The following PPIP5K2 variants were observed in gnomAD, a reference collection of about 807,000 sequenced individuals.
PPIP5K2 encodes inositol hexakisphosphate and diphosphoinositol-pentakisphosphate kinase 2.
A neutral mutation model predicts 154.6 loss-of-function variants in PPIP5K2; 105 were observed. The observed-to-expected ratio is 0.68, with a 90% confidence interval of 0.58 to 0.80. The LOEUF (loss-of-function observed/expected upper bound fraction) is 0.80, where lower values mean the gene tolerates loss of function less well. Ranked by LOEUF, PPIP5K2 falls within the 30% of genes least tolerant of loss-of-function variation. PPIP5K2 has a pLI of 0.00. For missense variants in PPIP5K2, 992 were observed against 1,504.6 expected (o/e 0.66, Z 5.64); for synonymous variants, 480 against 490.3 (o/e 0.98, Z 0.28).
chr5:103,205,274 T>G lies in PPIP5K2; in HGVS notation c.*3640T>G, dbSNP rs1229863952. On this transcript the variant is annotated 3_prime_UTR_variant, in exon 31 of 31. Transcript: ENST00000358359. Reference sequence around the variant, plus strand: ...GACATCTGGGTTGGTCCCAAGTCTTTGCTATTGTGAATAGTGCCACAATAA... The same window carrying G: ...GACATCTGGGTTGGTCCCAAGTCTTGGCTATTGTGAATAGTGCCACAATAA... 1 of 152,260 alleles carries G rather than the reference T, an allele frequency of 6.6e-6. No individual in the cohort carries two copies. Among genetic ancestry groups the G allele is most frequent in the African/African-American group, 2.4e-5 (1 of 41,470 alleles). 9.4% of individuals were successfully genotyped at this position (152,260 alleles called of 1,614,324 possible).
intron 29 of PPIP5K2, among the ~76,000 whole-genome samples, chr5:103,192,358 C>G (rs1554227179): frequency 1.3e-5 from 2 of 152,022 alleles, no homozygotes; most frequent in African/African-American, 4.8e-5. Context: ...TTCTCTATAA[C>G]CTGCTAGAAT....
intron 28 of PPIP5K2, among the ~76,000 whole-genome samples, chr5:103,187,707 A>G (rs1263570723): frequency 6.6e-6 from 1 of 152,116 alleles, no homozygotes; most frequent in African/African-American, 2.4e-5. Flanking sequence ...AGTATTCTTT[A>G]ATTTTTCTTA....
intron 1 of PPIP5K2, among the ~76,000 whole-genome samples, chr5:103,124,212 G>A (rs1420546529): frequency 2.0e-5 from 3 of 151,346 alleles, no homozygotes; most frequent in African/African-American, 7.3e-5. Flanking sequence ...CCCGGGAGGA[G>A]GAGCTTGTAG....
chr5:103,146,693 G>A lies in PPIP5K2; in HGVS notation c.642+12G>A. On this transcript the variant is annotated intron_variant, in intron 6 of 30. Coordinates refer to ENST00000358359, the MANE Select transcript of PPIP5K2 (RefSeq NM_001276277.3). Reference sequence around the variant, plus strand: ...GACTCTTTAGAAAGGTAACACCTTTGTAACTTTTGTATGAATACTCTTCTT... The same window carrying A: ...GACTCTTTAGAAAGGTAACACCTTTATAACTTTTGTATGAATACTCTTCTT... 1 of 1,589,826 alleles carries A rather than the reference G, an allele frequency of 6.3e-7. No homozygotes were observed. The highest frequency in any genetic ancestry group is 8.6e-7 in the Non-Finnish European group (1 of 1,166,876).
At chr5:103,176,972 A>G (rs1197541880) in intron 21 of PPIP5K2, 7 of 1,269,502 alleles carry the variant, frequency 5.5e-6, no homozygotes, top group Non-Finnish European at 7.6e-6. Flanking sequence ...ACTTCAGTGT[A>G]ATAGGGATAC....
chr5:103,138,266 G>A (rs1791916592), intron 4 of PPIP5K2, 118 bp from the exon 5 acceptor site: 1 of 445,994 alleles, frequency 2.2e-6, no homozygotes, highest in Non-Finnish European at 3.8e-6. Context: ...AAAAAGTGTT[G>A]AGATATATAC....
rs782737218 is a variant in PPIP5K2, at chr5:103,177,717, C to T, written c.2580C>T (p.Val860=). Residue 860 remains valine, a synonymous_variant, in exon 22 of 31, where the codon GTC becomes GTT. Coordinates refer to ENST00000358359, the MANE Select transcript of PPIP5K2 (RefSeq NM_001276277.3). ...GAGCTATGGATTATTTAAACGTTGT[C>T]AATGAGCTCAACTACATGACTCAGA... is the stretch of plus-strand genomic sequence containing the variant. ...WKRAMDYLNV[V]NELNYMTQIV... The T allele has an allele frequency of 1.9e-6, 3 of 1,612,076 alleles. No homozygotes were observed. The highest frequency in any genetic ancestry group is 2.5e-6 in the Non-Finnish European group (3 of 1,179,022).
In PPIP5K2 at chr5:103,211,033, A is replaced by G. The variant is rs1803781109; in HGVS notation, c.*9399A>G. The stretch of plus-strand genomic sequence containing the variant: ...TGGCCGTGAGTGGAAATCTGAGTGT[A>G]TAGGATGTGTTTCGTGTTCCCACTG... On this transcript the variant is annotated 3_prime_UTR_variant, in exon 31 of 31. Coordinates refer to ENST00000358359, the MANE Select transcript of PPIP5K2 (RefSeq NM_001276277.3). The G allele has an allele frequency of 1.3e-5, 2 of 152,136 alleles. No homozygotes were observed. The highest frequency in any genetic ancestry group is 1.3e-4 in the Admixed American group (2 of 15,254). The allele number at this position is 152,136 out of a possible 1,614,324, so 9.4% of individuals were successfully genotyped here. A position where few individuals can be genotyped will look rare whatever the true frequency, so the allele number is the denominator to read the frequency against.
chr5:103,132,334 G>A (rs1336311224), intron 2 of PPIP5K2, among the ~76,000 whole-genome samples: 1 of 152,064 alleles, frequency 6.6e-6, no homozygotes, highest in African/African-American at 2.4e-5. Context: ...GAGGTCAGGA[G>A]ATCGAGACCA....
intron 21 of PPIP5K2, 57 bp downstream of exon 21, chr5:103,174,029 A>C: frequency 7.9e-7 from 1 of 1,262,926 alleles, no homozygotes; most frequent in South Asian, 1.3e-5. Flanking sequence ...TAATTAAATC[A>C]CTAACTGCTA....
At chr5:103,197,275 A>G (rs1802235940) in intron 30 of PPIP5K2, among the ~76,000 whole-genome samples, 1 of 151,994 alleles carries the variant, frequency 6.6e-6, no homozygotes, top group African/African-American at 2.4e-5. Flanking sequence ...TGTTTGATAG[A>G]ATTAATTTTA....
At chr5:103,176,979 A>C in intron 21 of PPIP5K2, 2 of 1,164,576 alleles carry the variant, frequency 1.7e-6, no homozygotes, top group Non-Finnish European at 2.4e-6. Context: ...TGTAATAGGG[A>C]TACTTGTTGA....
chr5:103,180,561 G>C (rs1330143038), intron 24 of PPIP5K2, among the ~76,000 whole-genome samples: 2 of 151,756 alleles, frequency 1.3e-5, no homozygotes, highest in East Asian at 3.9e-4. Context: ...ATTTTAGTTA[G>C]AGAGCAAGCC....
rs782712968 is a variant in PPIP5K2 at position 103,177,883 on chromosome 5, G to T, written c.2657G>T (p.Arg886Leu). 1 of 1,612,808 alleles carries T rather than the reference G, an allele frequency of 6.2e-7. No homozygotes were observed. Among genetic ancestry groups the T allele is most frequent in the East Asian group, 2.2e-5 (1 of 44,792 alleles). The change falls in exon 23 of 31, where the codon CGC (arginine) becomes CTC (leucine). Residue 886 changes from arginine to leucine, a missense_variant. By Grantham distance (102) the Arg-to-Leu change is moderately radical. This residue lies in a region of PPIP5K2 where 157 missense variants were observed against 281.2 expected (regional missense o/e 0.56). Transcript: ENST00000358359. ...DPNKDLSSEE[R>L]FHVELHFSPG... ...TCTTAGGATCTTTCCTCAGAAGAAC[G>T]CTTTCATGTTGAATTACACTTTAGT...
At chr5:103,201,192 AG>A (rs1416179504) in intron 30 of PPIP5K2, among the ~76,000 whole-genome samples, 24 of 152,358 alleles carry the variant, frequency 1.6e-4, no homozygotes, top group African/African-American at 5.5e-4. Context: ...CTTGAGCTAA[AG>A]GAAAAGGCCC....
intron 28 of PPIP5K2, chr5:103,188,927 A>G (rs1800806472): frequency 2.7e-6 from 1 of 375,766 alleles, no homozygotes; most frequent in Non-Finnish European, 4.7e-6. Context: ...CTATTCTACA[A>G]ATATTTCTTT....
At chr5:103,190,786 C>T in intron 28 of PPIP5K2, 56 bp from the exon 29 acceptor site, 1 of 1,476,176 alleles carries the variant, frequency 6.8e-7, no homozygotes, top group Non-Finnish European at 9.1e-7. Context: ...TTTCTAATTA[C>T]TGATTTTTAA....
At position 103,185,864 on chromosome 5, in the gene PPIP5K2, T is replaced by G. The variant is rs1265150894; in HGVS notation, c.3170-456T>G. Among the ~76,000 whole-genome samples, 3 of 151,976 alleles carry G rather than the reference T, an allele frequency of 2.0e-5. No homozygotes were observed. The East Asian group carries it at 5.8e-4, about 29-fold the overall frequency. ...CTCAATTCAGGGGCATCAGGAAAGA[T>G]TTGTCATTTATAGACATACATTAAA... is the stretch of plus-strand genomic sequence containing the variant. On this transcript the variant is annotated intron_variant, in intron 26 of 30. Coordinates refer to ENST00000358359, the MANE Select transcript of PPIP5K2 (RefSeq NM_001276277.3).
chr5:103,148,199 T>C (rs1259130770), intron 7 of PPIP5K2, 167 bp downstream of exon 7: 1 of 676,466 alleles, frequency 1.5e-6, no homozygotes, highest in East Asian at 2.9e-5. Flanking sequence ...GTCTGAAGCC[T>C]ATGGACTCTT....
Sources: gnomAD v4.1 joint callset for allele counts (sites outside exome capture counted in the v4.1 genomes callset) on GRCh38, gnomAD v4.1.1 for gene constraint, gnomAD v4.1.1 regional missense constraint, MANE v1.5 for transcripts, NCBI Gene and HGNC (gene_info 2026-07-23, HGNC 2026-07-21) for gene names.